The following CBLB variants were observed in gnomAD, a reference collection of about 807,000 sequenced individuals.
CBLB encodes Cbl proto-oncogene B, also known as E3 ubiquitin-protein ligase CBL-B.
Under a neutral mutation model 104.9 loss-of-function variants are expected in CBLB, and 31 were observed. The observed-to-expected ratio is 0.30, with a 90% CI of 0.22 to 0.40. The LOEUF (loss-of-function observed/expected upper bound fraction) is 0.40, where lower values mean the gene tolerates loss of function less well. CBLB is among the 10% of genes least tolerant of loss of function. The pLI is 1.00. For synonymous variants in CBLB, 440 were observed against 422.6 expected (o/e 1.04, Z -0.51); for missense variants, 1,062 against 1,214.6 (o/e 0.87, Z 1.87).
intron 4 of CBLB, among the ~76,000 whole-genome samples, chr3:105,759,961 G>C (rs1329774406): frequency 6.6e-6 from 1 of 152,100 alleles, no homozygotes; most frequent in Non-Finnish European, 1.5e-5. Context: ...GGGCAGCTGG[G>C]GCCATCATTA....
chr3:105,823,443 A>G (rs1485076773), intron 3 of CBLB, among the ~76,000 whole-genome samples: 1 of 152,214 alleles, frequency 6.6e-6, no homozygotes, highest in Admixed American at 6.5e-5. Flanking sequence ...GCAATTGAGC[A>G]TATACATTTT....
chr3:105,754,022 G>T (rs1049432107), intron 4 of CBLB, among the ~76,000 whole-genome samples: 3 of 152,052 alleles, frequency 2.0e-5, no homozygotes, highest in African/African-American at 7.2e-5. Context: ...GTAGTAATAG[G>T]GATTAGGGAG....
At chr3:105,676,573 G>T (rs147992851) in intron 17 of CBLB, among the ~76,000 whole-genome samples, 31 of 152,214 alleles carry the variant, frequency 2.0e-4, no homozygotes, top group African/African-American at 6.3e-4. Context: ...AAGTAACTAA[G>T]ATTTGGAATG....
At chr3:105,805,452 G>C (rs1348487635) in intron 3 of CBLB, among the ~76,000 whole-genome samples, 1 of 152,030 alleles carries the variant, frequency 6.6e-6, no homozygotes, top group African/African-American at 2.4e-5. Flanking sequence ...TTACAGGCAT[G>C]TGCCATCACA....
chr3:105,767,115 G>A (rs2078310786), intron 4 of CBLB, among the ~76,000 whole-genome samples: 1 of 152,098 alleles, frequency 6.6e-6, no homozygotes, highest in African/African-American at 2.4e-5. Flanking sequence ...AAGGGAGGTA[G>A]CTAACTAGTA....
intron 14 of CBLB, 76 bp downstream of exon 14, chr3:105,685,244 A>G: frequency 8.1e-7 from 1 of 1,241,338 alleles, no homozygotes; most frequent in Non-Finnish European, 1.2e-6. Context: ...GACGTGAATC[A>G]ATTGTTTAAA....
intron 6 of CBLB, among the ~76,000 whole-genome samples, chr3:105,743,713 C>T (rs1421330862): frequency 1.4e-5 from 2 of 145,834 alleles, no homozygotes; most frequent in South Asian, 2.2e-4. Context: ...AAGTCAAAGA[C>T]ATGAAATACT....
At chr3:105,840,768 A>G (rs541543825) in intron 3 of CBLB, among the ~76,000 whole-genome samples, 2 of 152,142 alleles carry the variant, frequency 1.3e-5, no homozygotes, top group Admixed American at 6.5e-5. Context: ...TATCATTCTT[A>G]TATCACATAA....
chr3:105,798,384 C>A (rs1190784876), intron 3 of CBLB, among the ~76,000 whole-genome samples: 2 of 152,032 alleles, frequency 1.3e-5, no homozygotes, highest in Non-Finnish European at 2.9e-5. Context: ...TGAAATAAGA[C>A]AGAAACACAT....
intron 9 of CBLB, among the ~76,000 whole-genome samples, chr3:105,730,437 T>A (rs910447257): frequency 6.6e-6 from 1 of 152,112 alleles, no homozygotes; most frequent in African/African-American, 2.4e-5. Flanking sequence ...GTCTTTTTAT[T>A]TAATGTACTT....
chr3:105,772,861 A>G (rs891332413), intron 4 of CBLB, among the ~76,000 whole-genome samples: 2 of 152,230 alleles, frequency 1.3e-5, no homozygotes, highest in African/African-American at 4.8e-5. Flanking sequence ...AAAACAATAG[A>G]TGTTGTTAAA....
At chr3:105,852,456 A>G (rs2055861564) in intron 3 of CBLB, among the ~76,000 whole-genome samples, 1 of 152,240 alleles carries the variant, frequency 6.6e-6, no homozygotes, top group Non-Finnish European at 1.5e-5. Flanking sequence ...ATATAGAAAG[A>G]AAATATTTTT....
chr3:105,820,041 T>C (rs1372652353), intron 3 of CBLB, among the ~76,000 whole-genome samples: 1 of 152,176 alleles, frequency 6.6e-6, no homozygotes, highest in Non-Finnish European at 1.5e-5. Flanking sequence ...TACCATAATG[T>C]AGAATCAGTG....
At chr3:105,663,191 C>G (rs1297014085) in intron 18 of CBLB, among the ~76,000 whole-genome samples, 1 of 152,226 alleles carries the variant, frequency 6.6e-6, no homozygotes, top group African/African-American at 2.4e-5. Flanking sequence ...CTATTTGAGA[C>G]AGTCATTACA....
chr3:105,859,645 A>C (rs767784440), intron 2 of CBLB, among the ~76,000 whole-genome samples: 23 of 133,202 alleles, frequency 1.7e-4, no homozygotes, highest in Non-Finnish European at 3.4e-4. Flanking sequence ...CCTGGGCCAC[A>C]GAGTGAGACT....
chr3:105,817,779 T>C (rs994976291), intron 3 of CBLB, among the ~76,000 whole-genome samples: 9 of 152,120 alleles, frequency 5.9e-5, no homozygotes, highest in Non-Finnish European at 1.3e-4. Context: ...CTACTGTAAG[T>C]TTTCAGGTTA....
intron 3 of CBLB, among the ~76,000 whole-genome samples, chr3:105,776,976 A>G (rs1240182985): frequency 6.6e-6 from 1 of 152,184 alleles, no homozygotes; most frequent in Non-Finnish European, 1.5e-5. Flanking sequence ...CAGATAAAAG[A>G]CCTGGAGAGG....
chr3:105,711,284 G>A (rs930027953), intron 10 of CBLB, among the ~76,000 whole-genome samples: 1 of 151,836 alleles, frequency 6.6e-6, no homozygotes, highest in Admixed American at 6.6e-5. Context: ...ATGATGAGAA[G>A]GACTCAGAGA....
At chr3:105,794,993 GCAAT>G in intron 3 of CBLB, among the ~76,000 whole-genome samples, 1 of 150,302 alleles carries the variant, frequency 6.7e-6, no homozygotes, top group Non-Finnish European at 1.5e-5. Flanking sequence ...TCAGCTCACT[GCAAT>G]CTGTCTCCCG....
Sources: allele counts gnomAD v4.1 joint callset (sites outside exome capture counted in the v4.1 genomes callset), GRCh38; gene constraint gnomAD v4.1.1; transcripts MANE v1.5; gene names NCBI Gene and HGNC (gene_info 2026-07-23, HGNC 2026-07-21).